GALNTL6: variants seen among roughly 807,000 people sequenced by gnomAD.
GALNTL6 encodes polypeptide N-acetylgalactosaminyltransferase like 6, also known as polypeptide N-acetylgalactosaminyltransferase-like 6.
Under a neutral mutation model 73.7 loss-of-function variants are expected in GALNTL6, and 46 were observed. The observed-to-expected ratio is 0.62, with a 90% CI of 0.49 to 0.80. GALNTL6 has a LOEUF of 0.80. GALNTL6 is among the 30% of genes least tolerant of loss of function. The pLI is 0.00. For missense variants in GALNTL6, 604 were observed against 755.0 expected (o/e 0.80, Z 2.34); for synonymous variants, 259 against 263.7 (o/e 0.98, Z 0.17).
intron 5 of GALNTL6, among the ~76,000 whole-genome samples, chr4:172,590,898 A>G (rs1342163806): frequency 3.9e-5 from 6 of 152,120 alleles, no homozygotes; most frequent in African/African-American, 7.2e-5. Flanking sequence ...GGGGAAATCT[A>G]TGGTCTCTTG....
At chr4:173,026,638 G>T (rs1187664027) in intron 12 of GALNTL6, among the ~76,000 whole-genome samples, 1 of 152,186 alleles carries the variant, frequency 6.6e-6, no homozygotes, top group Non-Finnish European at 1.5e-5. Flanking sequence ...TGATATGTTT[G>T]TTAGCCATTT....
At chr4:172,879,848 T>C (rs1296868397) in intron 7 of GALNTL6, among the ~76,000 whole-genome samples, 1 of 151,844 alleles carries the variant, frequency 6.6e-6, no homozygotes, top group Non-Finnish European at 1.5e-5. Flanking sequence ...TTCAACAGAT[T>C]AATAAAATTG....
chr4:172,723,465 T>C (rs1310245089), intron 5 of GALNTL6, among the ~76,000 whole-genome samples: 2 of 152,168 alleles, frequency 1.3e-5, no homozygotes, highest in African/African-American at 4.8e-5. Flanking sequence ...TAAGATCTTG[T>C]GGAAAGGGAT....
intron 10 of GALNTL6, among the ~76,000 whole-genome samples, chr4:172,994,032 G>A (rs1177981314): frequency 6.6e-6 from 1 of 152,138 alleles, no homozygotes; most frequent in Non-Finnish European, 1.5e-5. Context: ...ATTGAATCTA[G>A]CATGATTCAT....
intron 8 of GALNTL6, among the ~76,000 whole-genome samples, chr4:172,895,646 G>A (rs1746285708): frequency 6.6e-6 from 1 of 151,852 alleles, no homozygotes; most frequent in African/African-American, 2.4e-5. Flanking sequence ...TTCTGTGTGG[G>A]TATTTATATC....
In GALNTL6 at chr4:172,638,526, G is replaced by T. The variant is rs566242528; in HGVS notation, c.554-170835G>T. Among the ~76,000 whole-genome samples, 6 of 152,106 alleles carry T rather than the reference G, an allele frequency of 3.9e-5. No homozygotes were observed. The East Asian group carries it at 1.2e-3, about 29-fold the overall frequency. ...TCTCCCCTCTCTCTGGTACCTCAAT[G>T]ACACATTTTAGTTTTTAGCTTCTCA... On this transcript the variant is annotated intron_variant, in intron 5 of 12. Coordinates refer to ENST00000506823, the MANE Select transcript of GALNTL6 (RefSeq NM_001034845.3).
At chr4:172,251,533 T>A (rs1737870909) in intron 3 of GALNTL6, among the ~76,000 whole-genome samples, 1 of 152,112 alleles carries the variant, frequency 6.6e-6, no homozygotes, top group Admixed American at 6.6e-5. Context: ...ACATCCTGAA[T>A]AAGTCAGCTA....
chr4:172,045,042 C>G (rs1481417377), intron 2 of GALNTL6, among the ~76,000 whole-genome samples: 1 of 151,906 alleles, frequency 6.6e-6, no homozygotes, highest in Non-Finnish European at 1.5e-5. Context: ...CTATTTTATT[C>G]TTATATAATT....
chr4:172,842,426 G>C (rs192969748), intron 7 of GALNTL6, among the ~76,000 whole-genome samples: 2 of 152,192 alleles, frequency 1.3e-5, no homozygotes, highest in East Asian at 1.9e-4. Flanking sequence ...CTTCCTGAAG[G>C]TCTACTAGAG....
intron 2 of GALNTL6, among the ~76,000 whole-genome samples, chr4:172,024,347 T>G (rs562706427): frequency 1.3e-5 from 2 of 151,800 alleles, no homozygotes; most frequent in Admixed American, 1.3e-4. Context: ...TATATTCCCA[T>G]TGGATGAAAA....
intron 2 of GALNTL6, among the ~76,000 whole-genome samples, chr4:172,092,812 A>G (rs945739974): frequency 6.6e-6 from 1 of 151,832 alleles, no homozygotes; most frequent in South Asian, 2.1e-4. Context: ...GTCTTGAAGA[A>G]AAAATCAAAT....
intron 5 of GALNTL6, among the ~76,000 whole-genome samples, chr4:172,548,676 C>T (rs1345360595): frequency 3.9e-5 from 6 of 152,084 alleles, no homozygotes; most frequent in African/African-American, 1.4e-4. Context: ...TCACATTGCC[C>T]AGCTAAGACA....
At chr4:172,889,826 A>G (rs1745930824) in intron 8 of GALNTL6, among the ~76,000 whole-genome samples, 4 of 152,260 alleles carry the variant, frequency 2.6e-5, no homozygotes, top group Admixed American at 2.6e-4. Context: ...TTTTAGTAGA[A>G]TTGGTAGCAG....
At chr4:171,917,744 C>T (rs59670286) in intron 2 of GALNTL6, among the ~76,000 whole-genome samples, 7,837 of 152,036 alleles carry the variant, frequency 0.052, 603 homozygotes, top group African/African-American at 0.17. Flanking sequence ...ATTTATTGAA[C>T]TTACAAATTA....
chr4:171,874,615 T>A (rs774100399), intron 2 of GALNTL6, among the ~76,000 whole-genome samples: 11 of 152,104 alleles, frequency 7.2e-5, no homozygotes, highest in Non-Finnish European at 1.5e-4. Flanking sequence ...TCCCGTAAAA[T>A]CATGGAGACA....
intron 7 of GALNTL6, among the ~76,000 whole-genome samples, chr4:172,832,722 G>A (rs942086767): frequency 1.3e-5 from 2 of 152,164 alleles, no homozygotes; most frequent in Non-Finnish European, 2.9e-5. Context: ...AGAAAGGCCA[G>A]AGCCTCACAC....
chr4:172,691,855 A>G (rs1163226606), intron 5 of GALNTL6, among the ~76,000 whole-genome samples: 1 of 152,242 alleles, frequency 6.6e-6, no homozygotes, highest in Non-Finnish European at 1.5e-5. Flanking sequence ...AAGACAATCT[A>G]AATTATTGTG....
At chr4:172,752,837 C>A (rs984193502) in intron 5 of GALNTL6, among the ~76,000 whole-genome samples, 1 of 152,018 alleles carries the variant, frequency 6.6e-6, no homozygotes, top group Non-Finnish European at 1.5e-5. Context: ...AATCTCCTAG[C>A]CCACAAATGA....
At chr4:172,686,462 A>G (rs1732925415) in intron 5 of GALNTL6, among the ~76,000 whole-genome samples, 1 of 152,188 alleles carries the variant, frequency 6.6e-6, no homozygotes, top group African/African-American at 2.4e-5. Flanking sequence ...AGGAATCTAC[A>G]CACAAAGATG....
Sources: gnomAD v4.1 joint callset for allele counts (sites outside exome capture counted in the v4.1 genomes callset) on GRCh38, gnomAD v4.1.1 for gene constraint, MANE v1.5 for transcripts, NCBI Gene and HGNC (gene_info 2026-07-23, HGNC 2026-07-21) for gene names.